Variants in NPAS1 observed in about 807,000 individuals in gnomAD.
NPAS1 encodes the protein neuronal PAS domain protein 1.
A neutral mutation model predicts 49.2 loss-of-function variants in NPAS1; 29 were observed. The ratio of observed to expected loss-of-function variants is 0.59; its 90% confidence interval spans 0.44 to 0.80. The LOEUF is 0.80. NPAS1 is among the 30% of genes least tolerant of loss of function. The probability of loss-of-function intolerance (pLI) is 0.00; values close to 1 mark genes in which losing one functional copy is unlikely to be tolerated. For missense variants in NPAS1, 825 were observed against 835.5 expected (o/e 0.99, Z 0.15); for synonymous variants, 408 against 380.4 (o/e 1.07, Z -0.84).
intron 6 of NPAS1, among the ~76,000 whole-genome samples, chr19:47,037,777 A>G: frequency 6.6e-6 from 1 of 152,118 alleles, no homozygotes; most frequent in Non-Finnish European, 1.5e-5. Flanking sequence ...GGGGAGTGGG[A>G]CTGTGTTTGT....
chr19:47,036,514 G>A (rs922349780), intron 6 of NPAS1, among the ~76,000 whole-genome samples: 2 of 152,186 alleles, frequency 1.3e-5, no homozygotes, highest in Admixed American at 1.3e-4. Context: ...GCCCAGGGGG[G>A]CGGATCACTT....
chr19:47,043,305 C>G (rs1346247064), intron 11 of NPAS1, among the ~76,000 whole-genome samples: 2 of 71,644 alleles, frequency 2.8e-5, no homozygotes, highest in Non-Finnish European at 5.8e-5. Context: ...AAATTTAAAT[C>G]CAGGCCAGGA....
At position 47,032,220 on chromosome 19, in the gene NPAS1, G is replaced by A. The variant is rs979431307; in HGVS notation, c.359-58G>A. On this transcript the variant is annotated intron_variant, in intron 3 of 11. Transcript: ENST00000602212. ...GAGGTTTGTAGACTGGCTCCCGGGGGACCTGCCCTGGGCAGGGTCAGCCAG... is the reference window on the plus strand; with the variant it reads ...GAGGTTTGTAGACTGGCTCCCGGGGAACCTGCCCTGGGCAGGGTCAGCCAG... The A allele has an allele frequency of 2.7e-6, 4 of 1,503,732 alleles. No homozygotes were observed. In the African/African-American group the frequency reaches 4.1e-5, roughly 16 times the overall value. The allele number at this position is 1,503,732 out of a possible 1,614,324, so 93.1% of individuals were successfully genotyped here.
intron 3 of NPAS1, among the ~76,000 whole-genome samples, chr19:47,023,999 G>A (rs531118874): frequency 3.4e-4 from 51 of 152,106 alleles, no homozygotes; most frequent in Middle Eastern, 3.4e-3. Flanking sequence ...CAGCTACTCC[G>A]GAGGCTAAGG....
At chr19:47,041,923 TGAGCC>T (rs1240982655) in intron 10 of NPAS1, among the ~76,000 whole-genome samples, 2 of 144,290 alleles carry the variant, frequency 1.4e-5, no homozygotes, top group Non-Finnish European at 3.0e-5. Flanking sequence ...GAGGCTGCAG[TGAGCC>T]GTGATCGTGC....
chr19:47,034,032 C>T (rs1473409559), intron 5 of NPAS1, among the ~76,000 whole-genome samples: 1 of 118,850 alleles, frequency 8.4e-6, no homozygotes, highest in East Asian at 2.6e-4. Flanking sequence ...GGGCCGGGCG[C>T]GGTGGCTCAC....
At chr19:47,044,315 C>G (rs910221050) in intron 11 of NPAS1, among the ~76,000 whole-genome samples, 3 of 152,214 alleles carry the variant, frequency 2.0e-5, no homozygotes, top group Non-Finnish European at 4.4e-5. Flanking sequence ...TCAAGTGATT[C>G]TCCTGCCTGG....
chr19:47,037,900 C>G (rs1189460073), intron 6 of NPAS1, among the ~76,000 whole-genome samples: 1 of 152,174 alleles, frequency 6.6e-6, no homozygotes, highest in African/African-American at 2.4e-5. Context: ...ATTCCCCAAT[C>G]CCCTGTTCTG....
rs2056839029 is a variant in NPAS1, at chr19:47,021,240, C to T, written c.122+71C>T. ...CAATTCACACCCGATGTTCTGTCCC[C>T]GTGCCAAGGGGCAGTTCACACCCAG... On this transcript the variant is annotated intron_variant, in intron 2 of 11. Transcript: ENST00000602212. This position sits in a 1 kb window ranked among gnomAD's most constrained non-coding sequence, Gnocchi z 5.7. 9 of 1,366,180 alleles carry T rather than the reference C, an allele frequency of 6.6e-6. No homozygotes were observed. The highest frequency in any genetic ancestry group is 2.5e-4 in the Middle Eastern group (1 of 4,000). The allele number at this position is 1,366,180 out of a possible 1,614,324, so 84.6% of individuals were successfully genotyped here.
intron 11 of NPAS1, 139 bp from the exon 12 acceptor site, chr19:47,045,052 C>CAA: frequency 1.2e-6 from 1 of 861,884 alleles, no homozygotes; most frequent in Non-Finnish European, 1.8e-6. Flanking sequence ...AAAACAAAAA[C>CAA]AAAACAAACA....
At chr19:47,044,591 G>A (rs60546599) in intron 11 of NPAS1, among the ~76,000 whole-genome samples, 2,646 of 152,264 alleles carry the variant, frequency 0.017, 61 homozygotes, top group African/African-American at 0.061. Context: ...ACATTTTAGG[G>A]CCAGGTGATT....
At chr19:47,031,201 T>G (rs1337698728) in intron 3 of NPAS1, among the ~76,000 whole-genome samples, 8 of 150,616 alleles carry the variant, frequency 5.3e-5, no homozygotes, top group Admixed American at 1.3e-4. Flanking sequence ...GTGTTTTTTT[T>G]TTTTTTTTTT....
chr19:47,032,378 C>A (rs745849809), intron 4 of NPAS1, 27 bp downstream of exon 4: 18 of 1,610,814 alleles, frequency 1.1e-5, no homozygotes, highest in South Asian at 9.9e-5. Context: ...CCCTGCCTGC[C>A]GCTCCTTGCT....
chr19:47,038,941 T>C, intron 6 of NPAS1, 95 bp from the exon 7 acceptor site: 1 of 1,046,850 alleles, frequency 9.6e-7, no homozygotes, highest in Non-Finnish European at 1.5e-6. Context: ...CCAGCGGACA[T>C]CTTGTGTCTA....
intron 10 of NPAS1, 111 bp from the exon 11 acceptor site, chr19:47,042,699 C>G (rs746678678): frequency 1.1e-5 from 9 of 796,274 alleles, no homozygotes; most frequent in Non-Finnish European, 1.7e-5. Flanking sequence ...GGTGGGGACT[C>G]CACATTTCCC....
rs2056845044 is a variant in NPAS1 at position 47,021,929 on chromosome 19, C to G, written c.358+82C>G. 6 of 915,114 alleles carry G rather than the reference C, an allele frequency of 6.6e-6. No individual in the cohort carries two copies. In the South Asian group the frequency reaches 8.7e-5, roughly 13 times the overall value. 56.7% of individuals were successfully genotyped at this position (915,114 alleles called of 1,614,324 possible). A position where few individuals can be genotyped will look rare whatever the true frequency, so the allele number is the denominator to read the frequency against. ...GCCCAGATCCGGGCTGCGGGCCTGC[C>G]CTCGCCCAGATGCTTGTCTCTGGAG... On this transcript the variant is annotated intron_variant, in intron 3 of 11. Transcript: ENST00000602212. This position sits in a 1 kb window ranked among gnomAD's most constrained non-coding sequence, Gnocchi z 5.7.
intron 11 of NPAS1, among the ~76,000 whole-genome samples, chr19:47,043,453 G>C (rs2057043342): frequency 6.6e-6 from 1 of 151,910 alleles, no homozygotes; most frequent in African/African-American, 2.4e-5. Flanking sequence ...AGCTGGACAT[G>C]GTGCCATGCT....
rs1352987748 is a variant in NPAS1 at position 47,045,722 on chromosome 19, C to G, written c.*71C>G. 1 of 1,267,818 alleles carries G rather than the reference C, an allele frequency of 7.9e-7. No homozygotes were observed. Among genetic ancestry groups the G allele is most frequent in the Non-Finnish European group, 1.0e-6 (1 of 966,124 alleles). The allele number at this position is 1,267,818 out of a possible 1,614,324, so 78.5% of individuals were successfully genotyped here. ...CCCCAGGACAGTAGGCCCGGCTCTG[C>G]CCGTAGCCCTGAGAATTAAACGCCG... is the stretch of plus-strand genomic sequence containing the variant. On this transcript the variant is annotated 3_prime_UTR_variant, in exon 12 of 12. Transcript: ENST00000602212.
chr19:47,042,997 C>A, intron 11 of NPAS1, 93 bp downstream of exon 11: 1 of 901,122 alleles, frequency 1.1e-6, no homozygotes, highest in Non-Finnish European at 1.6e-6. Flanking sequence ...CACATGCAGC[C>A]ATTTATATAC....
Sources: gnomAD v4.1 joint callset for allele counts (sites outside exome capture counted in the v4.1 genomes callset) on GRCh38, gnomAD v4.1.1 for gene constraint, Gnocchi (gnomAD v3.1) non-coding constraint, MANE v1.5 for transcripts, NCBI Gene and HGNC (gene_info 2026-07-23, HGNC 2026-07-21) for gene names.